ADAM18: variants seen among roughly 807,000 people sequenced by gnomAD.
The protein encoded by ADAM18 is ADAM metallopeptidase domain 18, also known as disintegrin and metalloproteinase domain-containing protein 18.
In ADAM18, 117 loss-of-function variants were observed where a neutral mutation model predicts 94.4. The observed-to-expected ratio is 1.24, with a 90% CI of 1.07 to 1.45. The LOEUF (loss-of-function observed/expected upper bound fraction) is 1.45, where lower values mean the gene tolerates loss of function less well. Among genes scored for constraint, ADAM18 ranks in the 40% most tolerant of loss-of-function variants. ADAM18 has a pLI of 0.00. For missense variants in ADAM18, 936 were observed against 880.0 expected (o/e 1.06, Z -0.81); for synonymous variants, 327 against 291.6 (o/e 1.12, Z -1.24).
intron 6 of ADAM18, among the ~76,000 whole-genome samples, chr8:39,624,426 G>A (rs554304436): frequency 1.3e-5 from 2 of 152,114 alleles, no homozygotes; most frequent in Non-Finnish European, 2.9e-5. Context: ...CCCAATTTAT[G>A]TTTTTGTGTG....
chr8:39,675,145 A>C (rs142224396), intron 14 of ADAM18, among the ~76,000 whole-genome samples: 1 of 152,020 alleles, frequency 6.6e-6, no homozygotes, highest in Non-Finnish European at 1.5e-5. Context: ...TGTTCTCTGT[A>C]TTTCTGAATT....
chr8:39,658,696 A>G (rs1016764598), intron 12 of ADAM18, among the ~76,000 whole-genome samples: 2 of 152,212 alleles, frequency 1.3e-5, no homozygotes, highest in Admixed American at 1.3e-4. Flanking sequence ...GAGGAAAAAA[A>G]CACAGTTACA....
chr8:39,701,394 G>T (rs911333420), intron 17 of ADAM18, among the ~76,000 whole-genome samples: 2 of 151,654 alleles, frequency 1.3e-5, no homozygotes, highest in Non-Finnish European at 2.9e-5. Flanking sequence ...GATGCTTGTT[G>T]TTCCTGACAT....
At position 39,629,439 on chromosome 8, in the gene ADAM18, G is replaced by A. The variant is rs778877620; in HGVS notation, c.588G>A (p.Leu196=). ...TATACATTATAGTGGAAAAAGCTTT[G>A]GTAAGTATGCTTTCAAGAGGTCTTT... The part of the protein sequence containing the change: ...LEIYIIVEKA[L]YDYMGSEMMA... Residue 196 remains leucine, a splice_region_variant and synonymous_variant, in exon 7 of 20, where the codon TTG becomes TTA. Transcript: ENST00000265707. 1 of 1,568,840 alleles carries A rather than the reference G, an allele frequency of 6.4e-7. No homozygotes were observed. The highest frequency in any genetic ancestry group is 1.4e-5 in the African/African-American group (1 of 72,130).
intron 7 of ADAM18, among the ~76,000 whole-genome samples, chr8:39,633,797 G>T (rs1819998563): frequency 6.8e-6 from 1 of 147,144 alleles, no homozygotes; most frequent in African/African-American, 2.5e-5. Context: ...GAAGAAGAAT[G>T]TAAAGATTTG....
intron 16 of ADAM18, among the ~76,000 whole-genome samples, chr8:39,681,033 G>C (rs775137651): frequency 1.6e-4 from 25 of 152,136 alleles, no homozygotes; most frequent in Non-Finnish European, 3.1e-4. Context: ...TCATTCCTTT[G>C]TGTAATCCCT....
chr8:39,629,303 A>T (rs1819865426), intron 6 of ADAM18, 71 bp from the exon 7 acceptor site: 26 of 1,224,490 alleles, frequency 2.1e-5, no homozygotes, highest in Non-Finnish European at 3.0e-5. Flanking sequence ...CGCTGTCTTT[A>T]CATGTCATCT....
At chr8:39,700,908 A>C (rs1264569816) in intron 17 of ADAM18, among the ~76,000 whole-genome samples, 2 of 151,506 alleles carry the variant, frequency 1.3e-5, no homozygotes, top group Non-Finnish European at 2.9e-5. Flanking sequence ...AGGTCAGGAG[A>C]TCGAGACCAT....
At chr8:39,667,858 T>G in intron 13 of ADAM18, 140 bp from the exon 14 acceptor site, 2 of 761,336 alleles carry the variant, frequency 2.6e-6, no homozygotes, top group Non-Finnish European at 4.2e-6. Context: ...TGATTTTTTT[T>G]GGCAAACTCA....
At chr8:39,629,342 AT>A in intron 6 of ADAM18, 31 bp from the exon 7 acceptor site, 1 of 1,501,490 alleles carries the variant, frequency 6.7e-7, no homozygotes, top group Non-Finnish European at 9.1e-7. Context: ...ACATGTTAAC[AT>A]TTTATAAATC....
intron 14 of ADAM18, among the ~76,000 whole-genome samples, chr8:39,673,123 A>C (rs754018045): frequency 6.6e-6 from 1 of 152,184 alleles, no homozygotes; most frequent in Non-Finnish European, 1.5e-5. Flanking sequence ...GCTATATATT[A>C]CACACATTTA....
At chr8:39,704,291 C>T (rs78450034) in intron 17 of ADAM18, among the ~76,000 whole-genome samples, 3 of 152,068 alleles carry the variant, frequency 2.0e-5, no homozygotes, top group African/African-American at 4.8e-5. Context: ...GCATGAACAT[C>T]GATGCAAAAA....
rs928953092 is a variant in ADAM18 at position 39,639,012 on chromosome 8, C to A, written c.909+466C>A. ...TGTATATTGATAAAACTGTTTCCTG[C>A]AAAATTTACAACCCTTAAATCATCT... On this transcript the variant is annotated intron_variant, in intron 10 of 19. Coordinates refer to ENST00000265707, the MANE Select transcript of ADAM18 (RefSeq NM_014237.3). Among the ~76,000 whole-genome samples the A allele has an allele frequency of 2.0e-5, 3 of 151,766 alleles. No homozygotes were observed. The South Asian group carries it at 6.2e-4, about 31-fold the overall frequency.
In ADAM18 at chr8:39,729,893, T is replaced by C. The variant is rs755776161; in HGVS notation, c.2178-5T>C. On this transcript the variant is annotated splice_polypyrimidine_tract_variant and splice_region_variant and intron_variant, in intron 19 of 19. Coordinates refer to ENST00000265707, the MANE Select transcript of ADAM18 (RefSeq NM_014237.3). ...TTCTATTTTTTCTGTTTTTCTTCAC[T>C]ATAGTAATTCATCCGTTGTATCAGA... 1 of 1,612,588 alleles carries C rather than the reference T, an allele frequency of 6.2e-7. No individual in the cohort carries two copies. Among genetic ancestry groups the C allele is most frequent in the Non-Finnish European group, 8.5e-7 (1 of 1,178,632 alleles).
Position 39,707,562 on chromosome 8 carries a change from C to A in ADAM18, c.2017+658C>A, listed in dbSNP as rs557251. 3.7e-3 allele frequency among the ~76,000 whole-genome samples: 556 copies of A among 152,272 alleles called. 3 individuals are homozygous for A. Among genetic ancestry groups the A allele is most frequent in the African/African-American group, 0.013 (533 of 41,576 alleles). On this transcript the variant is annotated intron_variant, in intron 18 of 19. Transcript: ENST00000265707. ...ACATCTGCAAAACCGGTGCAGATTT[C>A]TTTCTCCTTCTTTACAATTTTATGA...
intron 12 of ADAM18, among the ~76,000 whole-genome samples, chr8:39,658,326 CT>C (rs1430401011): frequency 6.6e-6 from 1 of 151,896 alleles, no homozygotes; most frequent in Non-Finnish European, 1.5e-5. Context: ...AGTTAAAGAC[CT>C]TGTGATGGAG....
intron 12 of ADAM18, among the ~76,000 whole-genome samples, chr8:39,661,858 T>C (rs1260338455): frequency 6.6e-6 from 1 of 151,716 alleles, no homozygotes; most frequent in Non-Finnish European, 1.5e-5. Context: ...TTTATGAAGA[T>C]ACAGGTGTCA....
intron 6 of ADAM18, among the ~76,000 whole-genome samples, chr8:39,615,151 C>T (rs1399226223): frequency 6.6e-6 from 1 of 151,968 alleles, no homozygotes; most frequent in Non-Finnish European, 1.5e-5. Context: ...ACAGAATATA[C>T]ATTTTTCTCA....
intron 13 of ADAM18, among the ~76,000 whole-genome samples, chr8:39,666,842 G>C (rs996097020): frequency 6.6e-6 from 1 of 152,072 alleles, no homozygotes; most frequent in Non-Finnish European, 1.5e-5. Flanking sequence ...ATTTGGGTGG[G>C]GACACAGCCA....
Sources: allele counts gnomAD v4.1 joint callset (sites outside exome capture counted in the v4.1 genomes callset), GRCh38; gene constraint gnomAD v4.1.1; transcripts MANE v1.5; gene names NCBI Gene and HGNC (gene_info 2026-07-23, HGNC 2026-07-21).